Variants in LY75 observed in about 807,000 individuals in gnomAD.
LY75 encodes the protein lymphocyte antigen 75.
In LY75, 185 loss-of-function variants were observed where a neutral mutation model predicts 231.7. The observed-to-expected ratio is 0.80, with a 90% confidence interval of 0.71 to 0.90. The LOEUF is 0.90. LY75 is among the 40% of genes least tolerant of loss of function. The pLI is 0.00. For synonymous variants in LY75, 668 were observed against 689.0 expected (o/e 0.97, Z 0.48); for missense variants, 1,947 against 2,050.2 (o/e 0.95, Z 0.97).
At chr2:159,820,845 A>AT (rs1428106823) in intron 28 of LY75, among the ~76,000 whole-genome samples, 1 of 151,970 alleles carries the variant, frequency 6.6e-6, no homozygotes, top group South Asian at 2.1e-4. Context: ...GTCAATTAAT[A>AT]TTTTTTTTCT....
At chr2:159,871,398 T>C in intron 13 of LY75, among the ~76,000 whole-genome samples, 1 of 152,168 alleles carries the variant, frequency 6.6e-6, no homozygotes, top group East Asian at 1.9e-4. Context: ...GGCCACCAGC[T>C]ACTCAGCACT....
chr2:159,814,364 T>C (rs1683053968), intron 31 of LY75, among the ~76,000 whole-genome samples: 1 of 152,150 alleles, frequency 6.6e-6, no homozygotes. Flanking sequence ...TCTTAGAACC[T>C]TTGGCCAGGC....
intron 28 of LY75, 133 bp from the exon 29 acceptor site, chr2:159,820,053 A>C: frequency 2.7e-6 from 2 of 747,634 alleles, no homozygotes; most frequent in Non-Finnish European, 3.8e-6. Flanking sequence ...ATTATGTATA[A>C]CCCTTTAAGA....
Position 159,853,687 on chromosome 2 carries a change from T to TC in LY75, c.2605dup (p.Asp869GlyfsTer10), listed in dbSNP as rs1248040608. ...AATTCTTATCCACCACTTCTGTCCA[T>TC]CACCAGATATCTGAAAAACAAGCCA... On this transcript the variant is annotated frameshift_variant, in exon 19 of 35. Transcript: ENST00000263636. LOFTEE classifies it high-confidence loss of function. 1.2e-6 allele frequency: 2 copies of TC among 1,613,404 alleles called. No homozygotes were observed. Among genetic ancestry groups the TC allele is most frequent in the African/African-American group, 2.7e-5 (2 of 74,912 alleles).
chr2:159,876,554 C>T (rs1460846628), intron 11 of LY75, among the ~76,000 whole-genome samples: 2 of 152,002 alleles, frequency 1.3e-5, no homozygotes, highest in African/African-American at 4.8e-5. Context: ...CATGATAGAC[C>T]AAGTTGGCTG....
At chr2:159,826,321 TAGAG>T (rs1440851734) in intron 28 of LY75, among the ~76,000 whole-genome samples, 6 of 152,012 alleles carry the variant, frequency 3.9e-5, no homozygotes, top group East Asian at 1.9e-4. Context: ...AACAGACAAA[TAGAG>T]AGCCAAATCA....
At chr2:159,856,741 A>C (rs556981267) in intron 16 of LY75, among the ~76,000 whole-genome samples, 1 of 152,240 alleles carries the variant, frequency 6.6e-6, no homozygotes, top group South Asian at 2.1e-4. Context: ...CGATTAATTG[A>C]TTTATATTTT....
At position 159,893,930 on chromosome 2, in the gene LY75, G is replaced by A. The variant is rs763741868; in HGVS notation, c.621C>T (p.Gly207=). The change falls in exon 3 of 35, where the codon GGC becomes GGT. Residue 207 remains glycine, a synonymous_variant. Transcript: ENST00000263636. ...CATACATACCAGGCTTTAAGCAGATGCCCCACTTTCGGTCATATTCATAAT... is the reference window on the plus strand; with the variant it reads ...CATACATACCAGGCTTTAAGCAGATACCCCACTTTCGGTCATATTCATAAT... ...TLNYEYDRKW[G]ICLKPENGCE... The A allele has an allele frequency of 8.1e-6, 13 of 1,611,682 alleles. No homozygotes were observed. Among genetic ancestry groups the A allele is most frequent in the African/African-American group, 1.3e-5 (1 of 74,918 alleles).
intron 21 of LY75, among the ~76,000 whole-genome samples, chr2:159,851,519 G>C (rs538074277): frequency 6.6e-4 from 100 of 152,294 alleles, no homozygotes; most frequent in African/African-American, 2.2e-3. Context: ...AAAGAAGCCT[G>C]ATTTTGAAGA....
rs746999378 is a variant in LY75 at position 159,806,960 on chromosome 2, G to C, written c.4990+13C>G. On this transcript the variant is annotated intron_variant, in intron 34 of 34. Coordinates refer to ENST00000263636, the MANE Select transcript of LY75 (RefSeq NM_002349.4). ...TCTGCAAAAAGTCTCCTAAGGACAG[G>C]TTCCATACTTACCCAGAGGCACTTT... 6.2e-7 allele frequency: 1 copy of C among 1,609,150 alleles called. No individual in the cohort carries two copies. The highest frequency in any genetic ancestry group is 8.5e-7 in the Non-Finnish European group (1 of 1,177,362).
chr2:159,864,841 G>T lies in LY75; in HGVS notation c.2197C>A (p.Pro733Thr), dbSNP rs750876269. ...QGSWQWSDRT[P>T]VSTIIMPNEF... is the part of the protein sequence containing the mutation. ...AAAACAATAACGTTTTAACTTACTG[G>T]TGTACGATCACTCCATTGCCAGGAT... The change falls in exon 14 of 35, where the codon CCA (proline) becomes ACA (threonine). Residue 733 changes from proline (P) to threonine (T), a missense_variant and splice_region_variant. Coordinates refer to ENST00000263636, the MANE Select transcript of LY75 (RefSeq NM_002349.4). The T allele has an allele frequency of 6.3e-7, 1 of 1,591,674 alleles. No individual in the cohort carries two copies. Among genetic ancestry groups the T allele is most frequent in the South Asian group, 1.2e-5 (1 of 85,686 alleles).
rs1406388883 is a variant in LY75 at position 159,861,941 on chromosome 2, G to C, written c.2200-1052C>G. Among the ~76,000 whole-genome samples the C allele has an allele frequency of 2.6e-5, 4 of 151,716 alleles. No individual in the cohort carries two copies. The South Asian group carries it at 8.3e-4, about 32-fold the overall frequency. ...AGGCTAAGATGGGTAGACTGCCTGA[G>C]CTCAGGAGTTTGAGACCAGCCTGGG... On this transcript the variant is annotated intron_variant, in intron 14 of 34. Transcript: ENST00000263636.
In LY75 at chr2:159,808,432, AC is replaced by A. The variant is rs1200209645; in HGVS notation, c.4822+16del. On this transcript the variant is annotated intron_variant, in intron 33 of 34. Transcript: ENST00000263636. ...AGAACTCTCTTTGCACACTACACAT[AC>A]AATTATTTCACTTACCAACAGAATG... 3 of 1,613,672 alleles carry A rather than the reference AC, an allele frequency of 1.9e-6. No homozygotes were observed. In the East Asian group the frequency reaches 6.7e-5, roughly 36 times the overall value.
In LY75 at chr2:159,864,884, C is replaced by T. The variant is rs1254075479; in HGVS notation, c.2154G>A (p.Arg718=). The change falls in exon 14 of 35, where the codon AGG becomes AGA. Residue 718 remains arginine (R), a synonymous_variant. Coordinates refer to ENST00000263636, the MANE Select transcript of LY75 (RefSeq NM_002349.4). ...QHWLWIGLNK[R]SPDLQGSWQW... is the part of the protein sequence containing the mutation. ...GCCAGGATCCTTGTAAATCTGGGCTCCTTTTATTCAAACCAATCCACAGCC... is the reference window on the plus strand; with the variant it reads ...GCCAGGATCCTTGTAAATCTGGGCTTCTTTTATTCAAACCAATCCACAGCC... 6.2e-7 allele frequency: 1 copy of T among 1,605,410 alleles called. No individual in the cohort carries two copies. Among genetic ancestry groups the T allele is most frequent in the African/African-American group, 1.3e-5 (1 of 74,794 alleles).
In LY75 at chr2:159,875,369, A is replaced by G. The variant is rs1355380220; in HGVS notation, c.1974+75T>C. The G allele has an allele frequency of 1.9e-6, 3 of 1,552,476 alleles. No individual in the cohort carries two copies. In the Admixed American group the frequency reaches 5.7e-5, roughly 30 times the overall value. On this transcript the variant is annotated intron_variant, in intron 12 of 34. Transcript: ENST00000263636. ...TACATAGTACTATGGAGAAGAGCATAATTTGTACAAGGACATGAACAAGGG... is the reference window on the plus strand; with the variant it reads ...TACATAGTACTATGGAGAAGAGCATGATTTGTACAAGGACATGAACAAGGG...
Position 159,810,597 on chromosome 2 carries a change from T to A in LY75, c.4628A>T (p.Lys1543Met). The A allele has an allele frequency of 6.2e-7, 1 of 1,614,194 alleles. No individual in the cohort carries two copies. ...KENGSRWIQY[K>M]GHCYKSDQAL... The stretch of plus-strand genomic sequence containing the variant: ...CTGATCAGACTTGTAACAGTGACCC[T>A]TGTACTGGATCCACCGTGACCCATT... The change falls in exon 32 of 35, where the codon AAG becomes ATG. Residue 1543 changes from lysine (K) to methionine (M), a missense_variant. By Grantham distance (95) the Lys-to-Met change is moderately conservative. Coordinates refer to ENST00000263636, the MANE Select transcript of LY75 (RefSeq NM_002349.4).
chr2:159,882,379 C>A (rs575730047), intron 6 of LY75, 64 bp from the exon 7 acceptor site: 12 of 1,543,974 alleles, frequency 7.8e-6, no homozygotes, highest in Admixed American at 4.1e-5. Context: ...AATAACATTG[C>A]AAATTCTTTT....
At chr2:159,887,329 G>A (rs949768577) in intron 4 of LY75, among the ~76,000 whole-genome samples, 4 of 150,854 alleles carry the variant, frequency 2.7e-5, no homozygotes, top group Non-Finnish European at 4.4e-5. Flanking sequence ...GATAGAAGGC[G>A]GGTGGATCAC....
intron 31 of LY75, among the ~76,000 whole-genome samples, chr2:159,811,447 G>T (rs1031233254): frequency 6.6e-6 from 1 of 152,084 alleles, no homozygotes; most frequent in Non-Finnish European, 1.5e-5. Flanking sequence ...AATTCCAACC[G>T]AAGAGCATAT....
Sources: gnomAD v4.1 joint callset for allele counts (sites outside exome capture counted in the v4.1 genomes callset) on GRCh38, gnomAD v4.1.1 for gene constraint, MANE v1.5 for transcripts, NCBI Gene and HGNC (gene_info 2026-07-23, HGNC 2026-07-21) for gene names.